PCDHGB7: variants seen among roughly 807,000 people sequenced by gnomAD.
The protein encoded by PCDHGB7 is protocadherin gamma-B7.
PCDHGB7 carries 37 observed loss-of-function variants against 61.4 expected under a neutral mutation model. That is an observed-to-expected ratio of 0.60 (90% confidence interval 0.46 to 0.79). The LOEUF (loss-of-function observed/expected upper bound fraction) is 0.79. Among genes scored for constraint, PCDHGB7 ranks in the 30% least tolerant of loss-of-function variants. PCDHGB7 has a pLI of 0.00. For synonymous variants in PCDHGB7, 464 were observed against 503.5 expected, an observed-to-expected ratio of 0.92 and a Z score of 1.05; for missense variants, 1,166 against 1,202.5, an observed-to-expected ratio of 0.97 and a Z score of 0.45.
chr5:141,423,897 T>G, intron 1 of PCDHGB7: 7 of 1,278,866 alleles, frequency 5.5e-6, no homozygotes, highest in Non-Finnish European at 6.9e-6. Flanking sequence ...TTTCTTTTGA[T>G]TTCAAAGGGG....
intron 1 of PCDHGB7, among the ~76,000 whole-genome samples, chr5:141,473,329 G>A (rs2099319416): frequency 6.6e-6 from 1 of 152,212 alleles, no homozygotes; most frequent in Non-Finnish European, 1.5e-5. Context: ...TTAAGTGCCT[G>A]CTGTGCTAGA....
intron 1 of PCDHGB7, chr5:141,423,750 TGG>T (rs144521096): frequency 3.2e-4 from 92 of 287,850 alleles, no homozygotes; most frequent in South Asian, 5.2e-4. Context: ...GAAAACTGTT[TGG>T]GGGGGGGGTG....
intron 3 of PCDHGB7, 62 bp downstream of exon 3, chr5:141,505,543 C>T: frequency 6.2e-7 from 1 of 1,609,636 alleles, no homozygotes; most frequent in Non-Finnish European, 8.5e-7. Flanking sequence ...GTGCATCTCA[C>T]AGCCACCATG....
rs141958687 is a variant in PCDHGB7 at position 141,509,744 on chromosome 5, G to A, written c.2564-1203G>A. 3.3e-3 allele frequency among the ~76,000 whole-genome samples: 509 copies of A among 152,266 alleles called. 3 individuals are homozygous for A. The highest frequency in any genetic ancestry group is 5.5e-3 in the Non-Finnish European group (372 of 68,024). On this transcript the variant is annotated intron_variant, in intron 3 of 3. Coordinates refer to ENST00000398594, the MANE Select transcript of PCDHGB7 (RefSeq NM_018927.4). ...CACCTAGCTGTGGCACTCTGAGCCT[G>A]TGCCTAAAGTGTCCCTGAGATGTCT...
chr5:141,502,037 C>T (rs2154593041), intron 2 of PCDHGB7, among the ~76,000 whole-genome samples: 1 of 152,302 alleles, frequency 6.6e-6, no homozygotes, highest in East Asian at 1.9e-4. Context: ...CGCCGCTTGC[C>T]TGCTCTCCCT....
chr5:141,418,424 G>A lies in PCDHGB7; in HGVS notation c.565G>A (p.Gly189Ser), dbSNP rs1427064246. ...SLVEKDNPDG[G>S]KYPELVLQKT... Reference sequence around the variant, plus strand: ...GGTGGAGAAAGACAATCCTGATGGTGGCAAATATCCAGAATTAGTATTGCA... The same window carrying A: ...GGTGGAGAAAGACAATCCTGATGGTAGCAAATATCCAGAATTAGTATTGCA... The change falls in exon 1 of 4, where the codon GGC becomes AGC. Residue 189 changes from glycine to serine, a missense_variant. Coordinates refer to ENST00000398594, the MANE Select transcript of PCDHGB7 (RefSeq NM_018927.4). 1 of 1,613,974 alleles carries A rather than the reference G, an allele frequency of 6.2e-7. No individual in the cohort carries two copies. Among genetic ancestry groups the A allele is most frequent in the Non-Finnish European group, 8.5e-7 (1 of 1,179,872 alleles).
In PCDHGB7 at chr5:141,432,009, G is replaced by A. The variant is rs1227754190; in HGVS notation, c.2415+11735G>A. ...GTCTTGGATAGGGAACAGGTTCCTA[G>A]CTACAACATCACAGTGACCGCCACT... On this transcript the variant is annotated intron_variant, in intron 1 of 3. Coordinates refer to ENST00000398594, the MANE Select transcript of PCDHGB7 (RefSeq NM_018927.4). The surrounding 1 kb of genome is among the most constrained non-coding windows in gnomAD (Gnocchi z 6.0). The A allele has an allele frequency of 1.2e-6, 2 of 1,614,188 alleles. No homozygotes were observed. The highest frequency in any genetic ancestry group is 1.7e-6 in the Non-Finnish European group (2 of 1,180,024).
chr5:141,432,070 T>C lies in PCDHGB7; in HGVS notation c.2415+11796T>C. 6.2e-7 allele frequency: 1 copy of C among 1,614,136 alleles called. No homozygotes were observed. The highest frequency in any genetic ancestry group is 2.2e-5 in the East Asian group (1 of 44,860). ...CCCCGCCCCTATCCACGGAAACTCATATCTCGCTGAACGTGGCAGACACCA... is the reference window on the plus strand; with the variant it reads ...CCCCGCCCCTATCCACGGAAACTCACATCTCGCTGAACGTGGCAGACACCA... On this transcript the variant is annotated intron_variant, in intron 1 of 3. Transcript: ENST00000398594. The surrounding 1 kb of genome is among the most constrained non-coding windows in gnomAD (Gnocchi z 6.0).
Position 141,491,754 on chromosome 5 carries a change from C to T in PCDHGB7, c.2416-3053C>T. ...CCCCTGGGGGCGGCACTGGAGAAGC[C>T]GCCCGTCCTCATAAGGGATTGAACT... On this transcript the variant is annotated intron_variant, in intron 1 of 3. Transcript: ENST00000398594. The surrounding 1 kb of genome is among the most constrained non-coding windows in gnomAD (Gnocchi z 6.9). 5.7e-6 allele frequency: 9 copies of T among 1,582,682 alleles called. No individual in the cohort carries two copies. The highest frequency in any genetic ancestry group is 7.7e-6 in the Non-Finnish European group (9 of 1,165,614).
At chr5:141,460,666 C>G (rs1245201344) in intron 1 of PCDHGB7, among the ~76,000 whole-genome samples, 1 of 151,670 alleles carries the variant, frequency 6.6e-6, no homozygotes, top group South Asian at 2.1e-4. Context: ...ACTGTAAACA[C>G]AGTTATATAT....
rs370503146 is a variant in PCDHGB7 at position 141,511,012 on chromosome 5, G to A, written c.2629G>A (p.Gly877Arg). 11 of 1,614,060 alleles carry A rather than the reference G, an allele frequency of 6.8e-6. No individual in the cohort carries two copies. Among genetic ancestry groups the A allele is most frequent in the Middle Eastern group, 1.6e-4 (1 of 6,084 alleles). ...AGTMGLSARYGPQFTLQHVPD... is the reference protein window; with the variant it reads ...AGTMGLSARYRPQFTLQHVPD... The stretch of plus-strand genomic sequence containing the variant: ...CACCATGGGATTGAGCGCCCGCTAC[G>A]GACCCCAGTTCACCCTGCAGCACGT... The change falls in exon 4 of 4, where the codon GGA (glycine) becomes AGA (arginine). Residue 877 changes from glycine (G) to arginine (R), a missense_variant. Transcript: ENST00000398594.
intron 1 of PCDHGB7, chr5:141,428,279 C>A: frequency 2.7e-6 from 2 of 753,232 alleles, no homozygotes; most frequent in South Asian, 3.0e-5. Context: ...CCCTCTGATT[C>A]CCAAGCAAAG....
In PCDHGB7 at chr5:141,476,524, T is replaced by C. The variant is rs1350353768; in HGVS notation, c.2416-18283T>C. On this transcript the variant is annotated intron_variant, in intron 1 of 3. Coordinates refer to ENST00000398594, the MANE Select transcript of PCDHGB7 (RefSeq NM_018927.4). The surrounding 1 kb of genome is among the most constrained non-coding windows in gnomAD (Gnocchi z 7.6). ...TCAACGACAACAATCCTGCTTTCCC[T>C]ACCCAGGAAATGAAATTGGAGATTA... 6.2e-7 allele frequency: 1 copy of C among 1,614,182 alleles called. No individual in the cohort carries two copies. Among genetic ancestry groups the C allele is most frequent in the Non-Finnish European group, 8.5e-7 (1 of 1,180,028 alleles).
At chr5:141,496,285 A>G (rs1003747820) in intron 2 of PCDHGB7, among the ~76,000 whole-genome samples, 1 of 152,210 alleles carries the variant, frequency 6.6e-6, no homozygotes, top group Non-Finnish European at 1.5e-5. Flanking sequence ...AGTTGGTCTG[A>G]GCAGAGTGGG....
intron 2 of PCDHGB7, among the ~76,000 whole-genome samples, chr5:141,496,410 A>G (rs77823969): frequency 0.019 from 2,839 of 152,308 alleles, 40 homozygotes; most frequent in Middle Eastern, 0.082. Context: ...ATGGTTGAGT[A>G]CTTGCTGTCC....
intron 3 of PCDHGB7, 61 bp downstream of exon 3, chr5:141,505,542 A>G (rs2099846540): frequency 6.2e-7 from 1 of 1,604,832 alleles, no homozygotes; most frequent in African/African-American, 1.3e-5. Context: ...GGTGCATCTC[A>G]CAGCCACCAT....
At chr5:141,457,094 C>T (rs2098908295) in intron 1 of PCDHGB7, among the ~76,000 whole-genome samples, 1 of 152,154 alleles carries the variant, frequency 6.6e-6, no homozygotes, top group Non-Finnish European at 1.5e-5. Context: ...TATAAGGATA[C>T]TAATTAAGCA....
chr5:141,472,290 C>T (rs2099275934), intron 1 of PCDHGB7, among the ~76,000 whole-genome samples: 2 of 152,096 alleles, frequency 1.3e-5, no homozygotes, highest in Admixed American at 6.6e-5. Flanking sequence ...ACCTGTAATC[C>T]CAGCACTTTG....
At chr5:141,430,874 C>A in intron 1 of PCDHGB7, 2 of 1,598,990 alleles carry the variant, frequency 1.3e-6, no homozygotes, top group East Asian at 4.5e-5. Context: ...TCCGGAAGAG[C>A]TGGAGAAAGG....
Sources: allele counts gnomAD v4.1 joint callset (sites outside exome capture counted in the v4.1 genomes callset), GRCh38; gene constraint gnomAD v4.1.1; non-coding constraint Gnocchi (gnomAD v3.1); transcripts MANE v1.5; gene names NCBI Gene and HGNC (gene_info 2026-07-23, HGNC 2026-07-21).